The following PACS1 variants were observed in gnomAD, a reference collection of about 807,000 sequenced individuals.
The protein encoded by PACS1 is PACS-1.
In PACS1, 24 loss-of-function variants were observed where a neutral mutation model predicts 115.0. The ratio of observed to expected loss-of-function variants is 0.21; its 90% CI spans 0.15 to 0.29. The LOEUF is 0.29. Among genes scored for constraint, PACS1 ranks in the 10% least tolerant of loss-of-function variants. The pLI is 1.00. For missense variants in PACS1, 838 were observed against 1,251.2 expected (o/e 0.67, Z 4.98); for synonymous variants, 453 against 504.5 (o/e 0.90, Z 1.37).
At chr11:66,139,012 C>A (rs540813953) in intron 1 of PACS1, among the ~76,000 whole-genome samples, 1 of 152,042 alleles carries the variant, frequency 6.6e-6, no homozygotes, top group South Asian at 2.1e-4. Context: ...GTTCCCCAGG[C>A]GACCCTTAGG....
At chr11:66,072,995 G>C (rs573209943) in intron 1 of PACS1, among the ~76,000 whole-genome samples, 1 of 152,228 alleles carries the variant, frequency 6.6e-6, no homozygotes, top group Non-Finnish European at 1.5e-5. Flanking sequence ...CTGATCAAAT[G>C]TATAATTATT....
Position 66,167,135 on chromosome 11 carries a change from G to A in PACS1, c.357-26351G>A, listed in dbSNP as rs546925051. ...TTTTGATTTCAATTTGCATTTCCCC[G>A]ATTCCTAATGATTTGAGCATATTTT... On this transcript the variant is annotated intron_variant, in intron 1 of 23. Transcript: ENST00000320580. Among the ~76,000 whole-genome samples, 13 of 150,116 alleles carry A rather than the reference G, an allele frequency of 8.7e-5. 1 individual carries two copies. Among genetic ancestry groups the A allele is most frequent in the African/African-American group, 2.5e-4 (10 of 39,590 alleles).
chr11:66,095,678 G>A (rs1857764674), intron 1 of PACS1, among the ~76,000 whole-genome samples: 1 of 152,132 alleles, frequency 6.6e-6, no homozygotes, highest in Non-Finnish European at 1.5e-5. Flanking sequence ...GGATGGTCTC[G>A]AACTCCTGAC....
In PACS1 at chr11:66,243,503, T is replaced by G; in HGVS notation, c.*223T>G. 1 of 557,708 alleles carries G rather than the reference T, an allele frequency of 1.8e-6. No individual in the cohort carries two copies. The highest frequency in any genetic ancestry group is 3.2e-6 in the Non-Finnish European group (1 of 311,946). 34.5% of individuals were successfully genotyped at this position (557,708 alleles called of 1,614,324 possible). A position where few individuals can be genotyped will look rare whatever the true frequency, so the allele number is the denominator to read the frequency against. ...CTCCTCCTTCCCGCTTTTCCCCTTC[T>G]CCCTCCTGCTCCAGGCCCAAGGCGT... is the stretch of plus-strand genomic sequence containing the variant. On this transcript the variant is annotated 3_prime_UTR_variant, in exon 24 of 24. Transcript: ENST00000320580.
At chr11:66,160,511 A>T (rs976242055) in intron 1 of PACS1, among the ~76,000 whole-genome samples, 1 of 150,630 alleles carries the variant, frequency 6.6e-6, no homozygotes, top group African/African-American at 2.4e-5. Flanking sequence ...AGAAAAGCTT[A>T]TTTTTTTTTG....
At chr11:66,106,312 C>T (rs1196074042) in intron 1 of PACS1, among the ~76,000 whole-genome samples, 1 of 152,218 alleles carries the variant, frequency 6.6e-6, no homozygotes, top group Non-Finnish European at 1.5e-5. Context: ...TGGCTCACGC[C>T]TGTAATCGCA....
intron 1 of PACS1, among the ~76,000 whole-genome samples, chr11:66,124,222 C>T (rs1349730653): frequency 1.3e-5 from 2 of 152,156 alleles, no homozygotes; most frequent in Non-Finnish European, 2.9e-5. Context: ...ATAAAAGAAG[C>T]CTTTTTCCTA....
chr11:66,076,920 A>G (rs904647834), intron 1 of PACS1, among the ~76,000 whole-genome samples: 1 of 152,236 alleles, frequency 6.6e-6, no homozygotes. Context: ...AGTTGGACTT[A>G]GAACTTCTTT....
chr11:66,153,407 G>A (rs1285165275), intron 1 of PACS1, among the ~76,000 whole-genome samples: 1 of 152,182 alleles, frequency 6.6e-6, no homozygotes, highest in African/African-American at 2.4e-5. Flanking sequence ...CCCTTTGGGA[G>A]GCCAAGGTGG....
At chr11:66,154,552 T>C (rs1388751424) in intron 1 of PACS1, among the ~76,000 whole-genome samples, 1 of 152,166 alleles carries the variant, frequency 6.6e-6, no homozygotes, top group Non-Finnish European at 1.5e-5. Flanking sequence ...CCATTTATGT[T>C]TTGGTCAGAA....
intron 1 of PACS1, among the ~76,000 whole-genome samples, chr11:66,116,889 C>T (rs1188646135): frequency 2.1e-4 from 2 of 9,664 alleles, no homozygotes; most frequent in African/African-American, 3.3e-4. Flanking sequence ...GACTCCATCT[C>T]AAAAACAAAA....
chr11:66,186,502 A>C (rs1423745896), intron 1 of PACS1, among the ~76,000 whole-genome samples: 1 of 152,158 alleles, frequency 6.6e-6, no homozygotes, highest in African/African-American at 2.4e-5. Context: ...TCTTGCTCGC[A>C]ATACCTAGCT....
intron 1 of PACS1, among the ~76,000 whole-genome samples, chr11:66,112,688 G>C (rs1858216439): frequency 6.6e-6 from 1 of 152,120 alleles, no homozygotes; most frequent in Non-Finnish European, 1.5e-5. Flanking sequence ...GTTGTGCATG[G>C]GCCAGTGCCA....
rs373934734 is a variant in PACS1, at chr11:66,070,935, C to T, written c.356+93C>T. Reference sequence around the variant, plus strand: ...CCCCAGCGCCCATGGGGTCCCCGCCCTCCATCTCCCCGACTGTCCCGCGGC... The same window carrying T: ...CCCCAGCGCCCATGGGGTCCCCGCCTTCCATCTCCCCGACTGTCCCGCGGC... On this transcript the variant is annotated intron_variant, in intron 1 of 23. Transcript: ENST00000320580. This position sits in a 1 kb window ranked among gnomAD's most constrained non-coding sequence, Gnocchi z 5.9. 3.2e-6 allele frequency: 4 copies of T among 1,232,618 alleles called. No homozygotes were observed. The highest frequency in any genetic ancestry group is 6.4e-5 in the East Asian group (2 of 31,294). The allele number at this position is 1,232,618 out of a possible 1,614,324, so 76.4% of individuals were successfully genotyped here.
chr11:66,127,577 C>T (rs1858609612), intron 1 of PACS1, among the ~76,000 whole-genome samples: 1 of 152,146 alleles, frequency 6.6e-6, no homozygotes, highest in Non-Finnish European at 1.5e-5. Context: ...AAGACAAGTG[C>T]ATCAGGGTAC....
rs780711284 is a variant in PACS1 at position 66,233,812 on chromosome 11, G to A, written c.1866G>A (p.Arg622=). 3 of 1,613,890 alleles carry A rather than the reference G, an allele frequency of 1.9e-6. No individual in the cohort carries two copies. The highest frequency in any genetic ancestry group is 2.5e-6 in the Non-Finnish European group (3 of 1,179,878). Residue 622 remains arginine, a synonymous_variant, in exon 16 of 24, where the codon AGG becomes AGA. Coordinates refer to ENST00000320580, the MANE Select transcript of PACS1 (RefSeq NM_018026.4). This position sits in a 1 kb window ranked among gnomAD's most constrained non-coding sequence, Gnocchi z 4.5. ...RYCNCNSSMP[R]PVKVAAVGGQ... Reference sequence around the variant, plus strand: ...GCAACTGCAACTCTTCCATGCCGAGGCCAGTGAAGGTGGCTGCTGTGGGAG... The same window carrying A: ...GCAACTGCAACTCTTCCATGCCGAGACCAGTGAAGGTGGCTGCTGTGGGAG...
At chr11:66,074,486 G>T (rs1437793392) in intron 1 of PACS1, among the ~76,000 whole-genome samples, 4 of 152,086 alleles carry the variant, frequency 2.6e-5, no homozygotes, top group Non-Finnish European at 2.9e-5. Context: ...TTTTTGTGTT[G>T]CTGTAAGTAG....
At chr11:66,219,715 C>T (rs1278500016) in intron 7 of PACS1, 31 bp from the exon 8 acceptor site, 2 of 1,586,238 alleles carry the variant, frequency 1.3e-6, no homozygotes, top group Admixed American at 1.7e-5. Flanking sequence ...GTGGACGTTG[C>T]TGAGAACTGT....
chr11:66,224,152 C>T (rs983018451), intron 10 of PACS1, among the ~76,000 whole-genome samples: 5 of 147,808 alleles, frequency 3.4e-5, no homozygotes, highest in East Asian at 2.0e-4. Flanking sequence ...GCCAAGATCC[C>T]GCCACTGCAC....
Sources: allele counts gnomAD v4.1 joint callset (sites outside exome capture counted in the v4.1 genomes callset), GRCh38; gene constraint gnomAD v4.1.1; non-coding constraint Gnocchi (gnomAD v3.1); transcripts MANE v1.5; gene names NCBI Gene and HGNC (gene_info 2026-07-23, HGNC 2026-07-21).